SMARCC1: variants seen among roughly 807,000 people sequenced by gnomAD.
SMARCC1 encodes SWI/SNF complex subunit SMARCC1.
In SMARCC1, 43 loss-of-function variants were observed where a neutral mutation model predicts 147.4. That is an observed-to-expected ratio of 0.29 (90% CI 0.23 to 0.38). The LOEUF is 0.38. Ranked by LOEUF, SMARCC1 falls within the 10% of genes least tolerant of loss-of-function variation. SMARCC1 has a pLI of 1.00. For synonymous variants in SMARCC1, 495 were observed against 484.4 expected, an observed-to-expected ratio of 1.02 and a Z score of -0.29; for missense variants, 1,119 against 1,381.1, an observed-to-expected ratio of 0.81 and a Z score of 3.01.
intron 15 of SMARCC1, among the ~76,000 whole-genome samples, chr3:47,678,842 G>A (rs933634510): frequency 6.6e-6 from 1 of 152,186 alleles, no homozygotes; most frequent in African/African-American, 2.4e-5. Flanking sequence ...CTGCCAGTGT[G>A]GTAGCTCTTC....
chr3:47,729,528 G>A (rs2034343683), intron 5 of SMARCC1, among the ~76,000 whole-genome samples: 2 of 152,170 alleles, frequency 1.3e-5, no homozygotes, highest in African/African-American at 4.8e-5. Flanking sequence ...TGGGATTACA[G>A]GCACCCGCCA....
chr3:47,727,105 C>T (rs868792019), intron 6 of SMARCC1, among the ~76,000 whole-genome samples: 5 of 151,876 alleles, frequency 3.3e-5, no homozygotes, highest in Admixed American at 2.0e-4. Context: ...CCCAGCTACT[C>T]GGGAGGCTGA....
chr3:47,764,190 C>T (rs575851682), intron 2 of SMARCC1, among the ~76,000 whole-genome samples: 1 of 152,220 alleles, frequency 6.6e-6, no homozygotes, highest in South Asian at 2.1e-4. Flanking sequence ...TCACACACCA[C>T]CATGCACGAC....
chr3:47,629,527 C>A (rs2032859652), intron 24 of SMARCC1, among the ~76,000 whole-genome samples: 1 of 152,128 alleles, frequency 6.6e-6, no homozygotes, highest in Non-Finnish European at 1.5e-5. Context: ...TATGCTGTGT[C>A]AGTTTGGGGT....
intron 21 of SMARCC1, among the ~76,000 whole-genome samples, chr3:47,640,196 TTA>T (rs2033030126): frequency 6.6e-6 from 1 of 152,022 alleles, no homozygotes; most frequent in Non-Finnish European, 1.5e-5. Context: ...TCCATGTCCT[TTA>T]TGAGATAGTG....
chr3:47,712,982 AGAT>A (rs1429624883), intron 8 of SMARCC1, among the ~76,000 whole-genome samples: 1 of 152,198 alleles, frequency 6.6e-6, no homozygotes, highest in Admixed American at 6.6e-5. Context: ...CTTTACTATT[AGAT>A]GATAGTATAA....
intron 21 of SMARCC1, among the ~76,000 whole-genome samples, chr3:47,651,762 T>C (rs1490593439): frequency 6.6e-6 from 1 of 152,224 alleles, no homozygotes; most frequent in African/African-American, 2.4e-5. Flanking sequence ...GTTTTACTTA[T>C]TTGATTAGAT....
chr3:47,777,980 CG>C (rs2034995461), intron 1 of SMARCC1, among the ~76,000 whole-genome samples: 2 of 151,124 alleles, frequency 1.3e-5, no homozygotes, highest in African/African-American at 4.9e-5. Context: ...CTGAGGCTGG[CG>C]GATCACCTGA....
At chr3:47,723,351 T>C (rs1434527358) in intron 6 of SMARCC1, among the ~76,000 whole-genome samples, 1 of 147,634 alleles carries the variant, frequency 6.8e-6, no homozygotes, top group African/African-American at 2.5e-5. Context: ...GGTTTTTTTG[T>C]TGGGTTTTTT....
intron 26 of SMARCC1, chr3:47,603,971 A>T (rs1361921501): frequency 4.4e-6 from 2 of 455,370 alleles, no homozygotes; most frequent in Non-Finnish European, 8.8e-6. Context: ...AGAGCCAAGG[A>T]AGAGCAATAG....
intron 21 of SMARCC1, among the ~76,000 whole-genome samples, chr3:47,650,664 G>C (rs948520381): frequency 6.6e-6 from 1 of 151,640 alleles, no homozygotes; most frequent in African/African-American, 2.4e-5. Flanking sequence ...ATAACTAAAA[G>C]AATTAGCCAG....
At chr3:47,623,816 T>C (rs2032768835) in intron 24 of SMARCC1, among the ~76,000 whole-genome samples, 1 of 152,116 alleles carries the variant, frequency 6.6e-6, no homozygotes, top group Admixed American at 6.5e-5. Context: ...ATGTTATCAA[T>C]TTCTGGTCTA....
chr3:47,610,851 G>A (rs776380108), intron 25 of SMARCC1: 5 of 155,792 alleles, frequency 3.2e-5, no homozygotes, highest in Non-Finnish European at 4.3e-5. Context: ...GAGTTGACGT[G>A]GCCTTAGCTG....
At chr3:47,665,789 A>G (rs1463098236) in intron 19 of SMARCC1, among the ~76,000 whole-genome samples, 1 of 152,044 alleles carries the variant, frequency 6.6e-6, no homozygotes, top group Non-Finnish European at 1.5e-5. Context: ...AGCTTCATTC[A>G]TCCTGCCATA....
intron 7 of SMARCC1, among the ~76,000 whole-genome samples, chr3:47,716,415 C>CAAAAA (rs776727634): frequency 5.8e-5 from 3 of 51,924 alleles, no homozygotes; most frequent in South Asian, 8.7e-4. Flanking sequence ...GACTCCATCT[C>CAAAAA]AAAAAAAAAA....
At chr3:47,600,824 T>G (rs1447808191) in intron 26 of SMARCC1, among the ~76,000 whole-genome samples, 1 of 152,098 alleles carries the variant, frequency 6.6e-6, no homozygotes, top group Non-Finnish European at 1.5e-5. Context: ...CACTTTTAAA[T>G]GAACAACAGT....
intron 5 of SMARCC1, among the ~76,000 whole-genome samples, chr3:47,732,676 G>C (rs551991118): frequency 6.6e-6 from 1 of 152,332 alleles, no homozygotes; most frequent in South Asian, 2.1e-4. Flanking sequence ...AGATAGAGAA[G>C]TGGCCAGTCA....
At chr3:47,748,970 G>T (rs942766205) in intron 2 of SMARCC1, among the ~76,000 whole-genome samples, 1 of 151,966 alleles carries the variant, frequency 6.6e-6, no homozygotes, top group Admixed American at 6.6e-5. Context: ...AAGAGTAGAA[G>T]ACCAACCTGG....
Position 47,771,205 on chromosome 3 carries a change from C to T in SMARCC1, c.315+1612G>A, listed in dbSNP as rs766296955. 2.6e-5 allele frequency among the ~76,000 whole-genome samples: 4 copies of T among 152,190 alleles called. No homozygotes were observed. In the Middle Eastern group the frequency reaches 0.01, roughly 388 times the overall value. On this transcript the variant is annotated intron_variant, in intron 2 of 27. Coordinates refer to ENST00000254480, the MANE Select transcript of SMARCC1 (RefSeq NM_003074.4). ...ATTACAGGCATAAGCCACGACGCCC[C>T]GCCTATTATTTCTTATTCTCAATTA...
Sources: gnomAD v4.1 joint callset for allele counts (sites outside exome capture counted in the v4.1 genomes callset) on GRCh38, gnomAD v4.1.1 for gene constraint, MANE v1.5 for transcripts, NCBI Gene and HGNC (gene_info 2026-07-23, HGNC 2026-07-21) for gene names.